The following HMCN2 variants were observed in gnomAD, a reference collection of about 807,000 sequenced individuals.
HMCN2 encodes hemicentin-2.
In HMCN2, 325 loss-of-function variants were observed where a neutral mutation model predicts 377.5. The observed-to-expected ratio is 0.86, with a 90% CI of 0.79 to 0.94. The LOEUF (loss-of-function observed/expected upper bound fraction) is 0.94, where lower values mean the gene tolerates loss of function less well. Among genes scored for constraint, HMCN2 ranks in the 40% least tolerant of loss-of-function variants. HMCN2 has a pLI of 0.00. For synonymous variants in HMCN2, 2,007 were observed against 2,046.8 expected (o/e 0.98, Z 0.53); for missense variants, 4,543 against 4,725.3 (o/e 0.96, Z 1.13).
At chr9:130,302,581 C>T (rs1836577853) in intron 8 of HMCN2, among the ~76,000 whole-genome samples, 1 of 152,114 alleles carries the variant, frequency 6.6e-6, no homozygotes, top group Non-Finnish European at 1.5e-5. Context: ...AGGAGCTGTG[C>T]CTAGGGGAGC....
chr9:130,357,526 T>G (rs1338303338), intron 34 of HMCN2, among the ~76,000 whole-genome samples: 1 of 150,816 alleles, frequency 6.6e-6, no homozygotes, highest in East Asian at 2.0e-4. Context: ...GATGGATGGG[T>G]GGGTGGATGG....
intron 1 of HMCN2, among the ~76,000 whole-genome samples, chr9:130,267,421 A>AC (rs141886671): frequency 8.9e-4 from 119 of 133,538 alleles, no homozygotes; most frequent in African/African-American, 2.4e-3. Flanking sequence ...CAAACAAACA[A>AC]CCCCCCCAAA....
At chr9:130,353,590 C>T (rs910767847) in intron 31 of HMCN2, among the ~76,000 whole-genome samples, 4 of 152,220 alleles carry the variant, frequency 2.6e-5, no homozygotes, top group Non-Finnish European at 4.4e-5. Context: ...AGCATCAGCT[C>T]ATTTGATCAG....
intron 80 of HMCN2, 24 bp downstream of exon 80, chr9:130,403,899 G>A: frequency 1.6e-6 from 2 of 1,283,162 alleles, no homozygotes; most frequent in Non-Finnish European, 2.0e-6. Context: ...CGGGGCCGAG[G>A]TGGGCCCTGG....
At chr9:130,269,957 C>T (rs868966528) in intron 1 of HMCN2, among the ~76,000 whole-genome samples, 1 of 147,828 alleles carries the variant, frequency 6.8e-6, no homozygotes, top group African/African-American at 2.4e-5. Context: ...ACTACAGATG[C>T]GTGCCACCAC....
In HMCN2 at chr9:130,394,628, G is replaced by C; in HGVS notation, c.10692+53G>C. 5 of 1,209,448 alleles carry C rather than the reference G, an allele frequency of 4.1e-6. No individual in the cohort carries two copies. Among genetic ancestry groups the C allele is most frequent in the Non-Finnish European group, 5.3e-6 (5 of 936,848 alleles). 74.9% of individuals were successfully genotyped at this position (1,209,448 alleles called of 1,614,324 possible). A position where few individuals can be genotyped will look rare whatever the true frequency, so the allele number is the denominator to read the frequency against. ...GCTGGGGGTTGGGGGAGAGGGGAGG[G>C]ACTGCAGGTTCCCCAGACCCAGTGG... is the stretch of plus-strand genomic sequence containing the variant. On this transcript the variant is annotated intron_variant, in intron 69 of 97. Transcript: ENST00000683500. The surrounding 1 kb of genome is among the most constrained non-coding windows in gnomAD (Gnocchi z 5.1).
intron 46 of HMCN2, 70 bp from the exon 47 acceptor site, chr9:130,372,224 G>A: frequency 2.2e-6 from 1 of 457,190 alleles, no homozygotes; most frequent in Non-Finnish European, 2.9e-6. Flanking sequence ...CTGCTGGGCA[G>A]CAGGGGGCTC....
At position 130,394,492 on chromosome 9, in the gene HMCN2, AC is replaced by A. The variant is rs1447903361; in HGVS notation, c.10611del (p.Trp3538GlyfsTer8). ...DAQGTPQPNI[T>X]WHKDGQALTR... is the part of the protein sequence containing the mutation. ...CCAGGGCACCCCCCAGCCCAACATC[AC>A]CTGGCATAAGGACGGGCAGGCCCTG... On this transcript the variant is annotated frameshift_variant, in exon 69 of 98. Coordinates refer to ENST00000683500, the MANE Select transcript of HMCN2 (RefSeq NM_001291815.2). LOFTEE classifies it high-confidence loss of function. The surrounding 1 kb of genome is among the most constrained non-coding windows in gnomAD (Gnocchi z 5.1). 1 of 1,289,732 alleles carries A rather than the reference AC, an allele frequency of 7.8e-7. No individual in the cohort carries two copies. Among genetic ancestry groups the A allele is most frequent in the East Asian group, 5.6e-5 (1 of 18,010 alleles). 79.9% of individuals were successfully genotyped at this position (1,289,732 alleles called of 1,614,324 possible). A position where few individuals can be genotyped will look rare whatever the true frequency, so the allele number is the denominator to read the frequency against.
intron 13 of HMCN2, 149 bp from the exon 14 acceptor site, chr9:130,307,304 A>AG (rs1836928205): frequency 4.8e-6 from 2 of 418,160 alleles, no homozygotes; most frequent in African/African-American, 4.1e-5. Context: ...AGGGACCGGG[A>AG]GGGGGCATTG....
In HMCN2 at chr9:130,403,127, G is replaced by A. The variant is rs1017097094; in HGVS notation, c.11879-67G>A. 6 of 1,241,360 alleles carry A rather than the reference G, an allele frequency of 4.8e-6. No homozygotes were observed. The African/African-American group carries it at 9.3e-5, about 19-fold the overall frequency. The allele number at this position is 1,241,360 out of a possible 1,614,324, so 76.9% of individuals were successfully genotyped here. The stretch of plus-strand genomic sequence containing the variant: ...GAGGCCTCTCTCTCTGATGCTCCGA[G>A]GCCCGCTGGTTGGAGGAGTTGTGTT... On this transcript the variant is annotated intron_variant, in intron 78 of 97. Transcript: ENST00000683500.
chr9:130,322,004 A>C (rs925869053), intron 19 of HMCN2, 73 bp downstream of exon 19: 13 of 152,008 alleles, frequency 8.6e-5, no homozygotes, highest in African/African-American at 3.1e-4. Flanking sequence ...GTGCAGAGGT[A>C]ACTTGATCTT....
At position 130,432,492 on chromosome 9, in the gene HMCN2, G is replaced by A. The variant is rs929106501; in HGVS notation, c.14831G>A (p.Arg4944His). Reference protein sequence around the residue: ...CGPGQMCFNTRGSYQCVDTPC... With the variant: ...CGPGQMCFNTHGSYQCVDTPC... ...CCCGGCCAGATGTGCTTCAACACCC[G>A]TGGCAGCTACCAGTGTGTGGACACA... Residue 4944 changes from arginine (R) to histidine (H), a missense_variant, in exon 97 of 98, where the codon CGT (arginine) becomes CAT (histidine). By Grantham distance (29) the Arg-to-His change is conservative. Coordinates refer to ENST00000683500, the MANE Select transcript of HMCN2 (RefSeq NM_001291815.2). The A allele has an allele frequency of 4.5e-6, 7 of 1,550,604 alleles. No individual in the cohort carries two copies. Among genetic ancestry groups the A allele is most frequent in the Admixed American group, 3.9e-5 (2 of 50,986 alleles).
chr9:130,411,938 A>C (rs183648732), intron 85 of HMCN2, among the ~76,000 whole-genome samples: 5 of 112,700 alleles, frequency 4.4e-5, no homozygotes, highest in Non-Finnish European at 1.0e-4. Context: ...TTCAATGATA[A>C]ATTTTATGTA....
In HMCN2 at chr9:130,351,856, G is replaced by A. The variant is rs575796295; in HGVS notation, c.4585+279G>A. 1.3e-5 allele frequency among the ~76,000 whole-genome samples: 2 copies of A among 151,646 alleles called. No homozygotes were observed. The highest frequency in any genetic ancestry group is 4.9e-5 in the African/African-American group (2 of 41,230). Reference sequence around the variant, plus strand: ...AGATGAATTCTCTCTCTGTTGCCTAGGCTGGAGCGCAGTGGCACCATCTTG... The same window carrying A: ...AGATGAATTCTCTCTCTGTTGCCTAAGCTGGAGCGCAGTGGCACCATCTTG... On this transcript the variant is annotated intron_variant, in intron 30 of 97. Coordinates refer to ENST00000683500, the MANE Select transcript of HMCN2 (RefSeq NM_001291815.2). The surrounding 1 kb of genome is among the most constrained non-coding windows in gnomAD (Gnocchi z 5.4).
At chr9:130,397,752 A>G (rs1169299512) in intron 74 of HMCN2, 97 bp downstream of exon 74, 6 of 1,119,652 alleles carry the variant, frequency 5.4e-6, no homozygotes, top group African/African-American at 1.6e-5. Context: ...CCAAGAGCCA[A>G]TGGTCTTCAA....
At position 130,433,842 on chromosome 9, in the gene HMCN2, G is replaced by A; in HGVS notation, c.*149G>A. ...AGACCTTGGGTCAACACGACCCTGC[G>A]CACAGCCTTGACCCCCGACAGCGAG... is the stretch of plus-strand genomic sequence containing the variant. On this transcript the variant is annotated 3_prime_UTR_variant, in exon 98 of 98. Coordinates refer to ENST00000683500, the MANE Select transcript of HMCN2 (RefSeq NM_001291815.2). The A allele has an allele frequency of 1.5e-6, 1 of 674,448 alleles. No individual in the cohort carries two copies. Among genetic ancestry groups the A allele is most frequent in the Non-Finnish European group, 2.3e-6 (1 of 436,696 alleles). 41.8% of individuals were successfully genotyped at this position (674,448 alleles called of 1,614,324 possible). A position where few individuals can be genotyped will look rare whatever the true frequency, so the allele number is the denominator to read the frequency against.
rs1554918851 is a variant in HMCN2, at chr9:130,266,086, C to T, written c.208C>T (p.Arg70Cys). ...GCGCATTCTGGAACGCAGTCTGAGCCGCCGCAGCCAGGCCATCGCCAACTA... is the reference window on the plus strand; with the variant it reads ...GCGCATTCTGGAACGCAGTCTGAGCTGCCGCAGCCAGGCCATCGCCAACTA... The part of the protein sequence containing the change: ...ASRILERSLS[R>C]RSQAIANYAL... The change falls in exon 1 of 98, where the codon CGC becomes TGC. Residue 70 changes from arginine (R) to cysteine (C), a missense_variant. Physicochemically the swap from Arg to Cys is radical, Grantham distance 180. Around this residue, in one of 5 missense-constraint regions of HMCN2, gnomAD observed 547 missense variants for 189.9 expected, o/e 2.88. Transcript: ENST00000683500. 7 of 470,348 alleles carry T rather than the reference C, an allele frequency of 1.5e-5. No homozygotes were observed. The East Asian group carries it at 4.2e-4, about 28-fold the overall frequency. 29.1% of individuals were successfully genotyped at this position (470,348 alleles called of 1,614,324 possible).
intron 28 of HMCN2, 65 bp downstream of exon 28, chr9:130,349,196 G>T: frequency 7.9e-7 from 1 of 1,268,250 alleles, no homozygotes; most frequent in Non-Finnish European, 1.0e-6. Flanking sequence ...ACTCTTGCAG[G>T]CACACCGGGG....
intron 12 of HMCN2, among the ~76,000 whole-genome samples, chr9:130,306,603 A>G (rs1434257008): frequency 1.0e-4 from 2 of 20,006 alleles, no homozygotes; most frequent in Non-Finnish European, 2.1e-4. Context: ...CCCACCCCCC[A>G]CCATTCAGGC....
Sources: allele counts gnomAD v4.1 joint callset (sites outside exome capture counted in the v4.1 genomes callset), GRCh38; gene constraint gnomAD v4.1.1; regional missense constraint gnomAD v4.1.1; non-coding constraint Gnocchi (gnomAD v3.1); transcripts MANE v1.5; gene names NCBI Gene and HGNC (gene_info 2026-07-23, HGNC 2026-07-21).